Variants in SLC38A12 observed in about 807,000 individuals in gnomAD.
SLC38A12 encodes the protein putative sodium-coupled neutral amino acid transporter 12.
At chr17:74,800,550 T>C in the SLC38A12 span, among the ~76,000 whole-genome samples, 2 of 152,372 alleles carry the variant, frequency 1.3e-5, no homozygotes, top group East Asian at 3.9e-4. Context: ...TATTTATTCT[T>C]GCCAGTGCTG....
At chr17:74,838,969 A>G in the SLC38A12 span, 1 of 1,535,614 alleles carries the variant, frequency 6.5e-7, no homozygotes, top group South Asian at 1.2e-5. Flanking sequence ...GTTGTGGAGG[A>G]AAGCTTAAAC....
the SLC38A12 span, among the ~76,000 whole-genome samples, chr17:74,833,787 A>G: frequency 6.6e-6 from 1 of 152,200 alleles, no homozygotes; most frequent in Non-Finnish European, 1.5e-5. Flanking sequence ...GCCAGGTCTC[A>G]AGGTGGTACC....
the SLC38A12 span, among the ~76,000 whole-genome samples, chr17:74,817,069 C>T: frequency 6.9e-6 from 1 of 145,206 alleles, no homozygotes. Context: ...GCAGCGCATG[C>T]CATTGCCTCT....
chr17:74,777,213 C>A, the SLC38A12 span: 2 of 1,189,012 alleles, frequency 1.7e-6, no homozygotes, highest in Non-Finnish European at 1.2e-6. Flanking sequence ...AGCCTCCTCC[C>A]ACCCCTGTCT....
the SLC38A12 span, chr17:74,838,111 A>G: frequency 1.0e-6 from 1 of 985,784 alleles, no homozygotes; most frequent in African/African-American, 1.7e-5. Flanking sequence ...CGGGGAGCCC[A>G]CGGGCTGCGC....
chr17:74,785,520 G>A, the SLC38A12 span: 30 of 1,614,134 alleles, frequency 1.9e-5, no homozygotes, highest in Admixed American at 1.0e-4. Flanking sequence ...TCGTGGGCAC[G>A]GGCGCACTCA....
the SLC38A12 span, among the ~76,000 whole-genome samples, chr17:74,822,374 C>T: frequency 6.6e-6 from 1 of 152,268 alleles, no homozygotes; most frequent in Non-Finnish European, 1.5e-5. Flanking sequence ...GGTCTCCCAC[C>T]CTGAGGCTCC....
At chr17:74,824,460 CCG>C in the SLC38A12 span, among the ~76,000 whole-genome samples, 1 of 152,256 alleles carries the variant, frequency 6.6e-6, no homozygotes, top group African/African-American at 2.4e-5. Flanking sequence ...CCCTGCCCCG[CCG>C]CAGGGAGCTC....
the SLC38A12 span, chr17:74,777,512 T>C: frequency 6.5e-7 from 1 of 1,541,278 alleles, no homozygotes; most frequent in Non-Finnish European, 8.8e-7. Context: ...GGGAGTTCCA[T>C]GGGGCAGCGA....
chr17:74,777,667 C>T, the SLC38A12 span: 3 of 1,326,908 alleles, frequency 2.3e-6, no homozygotes, highest in Non-Finnish European at 3.0e-6. Flanking sequence ...CGCCTGTAAT[C>T]CCAGCACTTT....
chr17:74,837,336 C>A, the SLC38A12 span: 2 of 985,518 alleles, frequency 2.0e-6, no homozygotes, highest in Admixed American at 1.2e-4. Context: ...GCTGTGGGCG[C>A]GAGCTCCGGA....
chr17:74,804,739 C>T, the SLC38A12 span, among the ~76,000 whole-genome samples: 3 of 152,322 alleles, frequency 2.0e-5, no homozygotes, highest in East Asian at 5.8e-4. Context: ...TTCTGAACAC[C>T]TTGATGGGAA....
At chr17:74,830,778 A>G in the SLC38A12 span, among the ~76,000 whole-genome samples, 1 of 152,152 alleles carries the variant, frequency 6.6e-6, no homozygotes, top group South Asian at 2.1e-4. Context: ...CTCCAAGACA[A>G]TGACTTCCTG....
chr17:74,825,699 G>C, the SLC38A12 span, among the ~76,000 whole-genome samples: 16 of 152,246 alleles, frequency 1.1e-4, no homozygotes, highest in Non-Finnish European at 2.1e-4. Context: ...TGGCCCAGCT[G>C]TCCGGGCACT....
chr17:74,804,823 G>C, the SLC38A12 span, among the ~76,000 whole-genome samples: 1 of 152,232 alleles, frequency 6.6e-6, no homozygotes, highest in African/African-American at 2.4e-5. Flanking sequence ...GTAATGTCCA[G>C]TTCTGGCGCC....
At chr17:74,782,304 G>A in the SLC38A12 span, among the ~76,000 whole-genome samples, 3 of 152,138 alleles carry the variant, frequency 2.0e-5, no homozygotes, top group African/African-American at 7.2e-5. Flanking sequence ...CTCAGCTCAG[G>A]CAATACACCC....
the SLC38A12 span, among the ~76,000 whole-genome samples, chr17:74,832,619 A>G: frequency 6.6e-6 from 1 of 152,136 alleles, no homozygotes; most frequent in Non-Finnish European, 1.5e-5. Flanking sequence ...CTGGGTGCAC[A>G]CTCGGTCTGC....
the SLC38A12 span, chr17:74,837,530 C>T: frequency 8.1e-6 from 8 of 985,462 alleles, no homozygotes; most frequent in South Asian, 9.4e-5. Context: ...GGCACCTCAG[C>T]GGCTTGGCAG....
the SLC38A12 span, among the ~76,000 whole-genome samples, chr17:74,794,765 C>T: frequency 2.0e-5 from 3 of 152,088 alleles, no homozygotes; most frequent in African/African-American, 7.2e-5. Context: ...CTGATCCTCC[C>T]AGCCTCGTTG....
Sources: gnomAD v4.1 joint callset for allele counts (sites outside exome capture counted in the v4.1 genomes callset) on GRCh38, gnomAD v4.1.1 for gene constraint, MANE v1.5 for transcripts, NCBI Gene and HGNC (gene_info 2026-07-23, HGNC 2026-07-21) for gene names.